The following ABCA13 variants were observed in gnomAD, a reference collection of about 807,000 sequenced individuals.
ABCA13 encodes ATP-binding cassette sub-family A member 13.
Under a neutral mutation model 478.7 loss-of-function variants are expected in ABCA13, and 476 were observed. The ratio of observed to expected loss-of-function variants is 0.99; its 90% CI spans 0.92 to 1.07. The LOEUF (loss-of-function observed/expected upper bound fraction) is 1.07, where lower values mean the gene tolerates loss of function less well. Among genes scored for constraint, ABCA13 ranks in the 50% least tolerant of loss-of-function variants. The pLI is 0.00. For synonymous variants in ABCA13, 2,252 were observed against 2,158.9 expected (o/e 1.04, Z -1.20); for missense variants, 6,060 against 5,910.6 (o/e 1.03, Z -0.83).
At chr7:48,637,480 T>G (rs906138651) in intron 59 of ABCA13, among the ~76,000 whole-genome samples, 1 of 145,886 alleles carries the variant, frequency 6.9e-6, no homozygotes. Context: ...GTGACTGGTG[T>G]GAGAATAGCT....
chr7:48,188,134 C>T (rs1254423820), intron 1 of ABCA13, among the ~76,000 whole-genome samples: 1 of 152,140 alleles, frequency 6.6e-6, no homozygotes. Context: ...ATGGTCAGGA[C>T]AGCCATGGAG....
chr7:48,458,937 GGGA>G (rs1221681687), intron 43 of ABCA13, among the ~76,000 whole-genome samples: 1 of 152,200 alleles, frequency 6.6e-6, no homozygotes, highest in Admixed American at 6.5e-5. Context: ...TAGACTGTGA[GGGA>G]GGAGGAGAAG....
At chr7:48,267,831 C>G (rs35282127) in intron 15 of ABCA13, among the ~76,000 whole-genome samples, 41,192 of 151,996 alleles carry the variant, frequency 0.27, 6,317 homozygotes, top group Non-Finnish European at 0.36. Flanking sequence ...TCTTTACATG[C>G]CTGCTAATTT....
chr7:48,272,146 T>C lies in ABCA13; in HGVS notation c.2480T>C (p.Leu827Pro). 6.2e-7 allele frequency: 1 copy of C among 1,613,156 alleles called. No homozygotes were observed. Among genetic ancestry groups the C allele is most frequent in the Non-Finnish European group, 8.5e-7 (1 of 1,179,486 alleles). ...KNLLRFIELI[L>P]FEINPKLLEL... ...CTTTTGAGATTCATAGAATTAATAC[T>C]TTTTGAAATTAATCCCAAATTACTA... The change falls in exon 17 of 62, where the codon CTT becomes CCT. Residue 827 changes from leucine to proline, a missense_variant. By Grantham distance (98) the Leu-to-Pro change is moderately conservative (BLOSUM62 -3). Around this residue, in one of 3 missense-constraint regions of ABCA13, gnomAD observed 4,423 missense variants for 4,309.1 expected, o/e 1.03. Coordinates refer to ENST00000435803, the MANE Select transcript of ABCA13 (RefSeq NM_152701.5).
intron 43 of ABCA13, 97 bp from the exon 44 acceptor site, chr7:48,466,859 C>A: frequency 8.7e-7 from 1 of 1,145,946 alleles, no homozygotes; most frequent in Non-Finnish European, 1.3e-6. Flanking sequence ...ATCAGCCTGA[C>A]TAGGGCACAA....
chr7:48,628,552 T>C (rs1793875400), intron 59 of ABCA13, among the ~76,000 whole-genome samples: 2 of 152,192 alleles, frequency 1.3e-5, no homozygotes, highest in African/African-American at 4.8e-5. Flanking sequence ...CTTTAAACAT[T>C]AACATCCTTA....
chr7:48,514,913 G>A (rs554408563), intron 51 of ABCA13, among the ~76,000 whole-genome samples: 49 of 152,012 alleles, frequency 3.2e-4, no homozygotes, highest in African/African-American at 1.2e-3. Context: ...CACATTTTGA[G>A]GCAGATTGCT....
chr7:48,416,798 C>T (rs544698727), intron 41 of ABCA13, among the ~76,000 whole-genome samples: 1 of 152,038 alleles, frequency 6.6e-6, no homozygotes, highest in Non-Finnish European at 1.5e-5. Context: ...GACCCATGTC[C>T]ATGCTTCTCC....
intron 52 of ABCA13, among the ~76,000 whole-genome samples, chr7:48,518,961 TC>T (rs1433851310): frequency 6.6e-6 from 1 of 151,898 alleles, no homozygotes; most frequent in Non-Finnish European, 1.5e-5. Flanking sequence ...ATGCTCTCCC[TC>T]CCCCACCCCA....
chr7:48,242,940 T>C (rs1791073318), intron 10 of ABCA13: 2 of 152,230 alleles, frequency 1.3e-5, no homozygotes, highest in African/African-American at 4.8e-5. Flanking sequence ...GACTCTCAGT[T>C]TTCTACTGAG....
At chr7:48,583,283 GAT>G (rs1788873795) in intron 56 of ABCA13, among the ~76,000 whole-genome samples, 2 of 152,198 alleles carry the variant, frequency 1.3e-5, no homozygotes, top group African/African-American at 4.8e-5. Context: ...GAATTTATAA[GAT>G]AGTAGGAATG....
intron 27 of ABCA13, among the ~76,000 whole-genome samples, chr7:48,324,929 TGGA>T (rs1197176541): frequency 2.6e-5 from 4 of 152,240 alleles, no homozygotes; most frequent in East Asian, 3.8e-4. Context: ...CAAAGCCATT[TGGA>T]GGAGGAGAAG....
intron 27 of ABCA13, among the ~76,000 whole-genome samples, chr7:48,329,531 G>A (rs1804873090): frequency 6.6e-6 from 1 of 152,060 alleles, no homozygotes; most frequent in Admixed American, 6.6e-5. Flanking sequence ...AGGGGCAACA[G>A]ACCAGCCTTT....
At chr7:48,438,123 C>T (rs10228865) in intron 42 of ABCA13, among the ~76,000 whole-genome samples, 45,076 of 151,758 alleles carry the variant, frequency 0.3, 6,735 homozygotes, top group East Asian at 0.37. Context: ...GTAAAACAGA[C>T]ACTAGTCCTT....
chr7:48,427,919 C>T, intron 42 of ABCA13, 48 bp downstream of exon 42: 1 of 1,284,592 alleles, frequency 7.8e-7, no homozygotes, highest in Non-Finnish European at 1.1e-6. Flanking sequence ...AACAATGACA[C>T]CAGCCTTATT....
intron 38 of ABCA13, among the ~76,000 whole-genome samples, chr7:48,400,672 C>T (rs1189335510): frequency 6.6e-6 from 1 of 152,152 alleles, no homozygotes; most frequent in Admixed American, 6.5e-5. Flanking sequence ...GAACAATGCC[C>T]AGAAACCAGC....
chr7:48,388,311 C>G (rs963336967), intron 36 of ABCA13, among the ~76,000 whole-genome samples: 6 of 152,234 alleles, frequency 3.9e-5, no homozygotes, highest in Non-Finnish European at 7.3e-5. Flanking sequence ...ATATGGGCAG[C>G]TACCCTGTGT....
rs1470183139 is a variant in ABCA13 at position 48,458,903 on chromosome 7, G to C, written c.12815+3617G>C. Among the ~76,000 whole-genome samples, 3 of 152,162 alleles carry C rather than the reference G, an allele frequency of 2.0e-5. No individual in the cohort carries two copies. In the East Asian group the frequency reaches 5.8e-4, roughly 29 times the overall value. ...TGTAAAGATGCTTGTTTTGTAACCA[G>C]ACCTCCACAGCACATTGACTTTATA... On this transcript the variant is annotated intron_variant, in intron 43 of 61. Coordinates refer to ENST00000435803, the MANE Select transcript of ABCA13 (RefSeq NM_152701.5).
intron 15 of ABCA13, among the ~76,000 whole-genome samples, chr7:48,263,414 T>C (rs1203138667): frequency 6.6e-6 from 1 of 151,962 alleles, no homozygotes; most frequent in Non-Finnish European, 1.5e-5. Flanking sequence ...ATGATGCAGA[T>C]AAAGCATGAA....
Sources: allele counts gnomAD v4.1 joint callset (sites outside exome capture counted in the v4.1 genomes callset), GRCh38; gene constraint gnomAD v4.1.1; regional missense constraint gnomAD v4.1.1; transcripts MANE v1.5; gene names NCBI Gene and HGNC (gene_info 2026-07-23, HGNC 2026-07-21).